Variants in SREK1 observed in about 807,000 individuals in gnomAD.
The protein encoded by SREK1 is splicing regulatory glutamic acid and lysine rich protein 1.
A neutral mutation model predicts 66.5 loss-of-function variants in SREK1; 13 were observed. That is an observed-to-expected ratio of 0.20 (90% CI 0.13 to 0.31). The LOEUF (loss-of-function observed/expected upper bound fraction) is 0.31, where lower values mean the gene tolerates loss of function less well. Ranked by LOEUF, SREK1 falls within the 10% of genes least tolerant of loss-of-function variation. SREK1 has a pLI of 1.00. For missense variants in SREK1, 607 were observed against 769.6 expected (o/e 0.79, Z 2.50); for synonymous variants, 265 against 263.5 (o/e 1.01, Z -0.05).
At chr5:66,171,014 G>T in intron 9 of SREK1, 67 bp downstream of exon 9, 1 of 1,530,320 alleles carries the variant, frequency 6.5e-7, no homozygotes, top group Non-Finnish European at 8.7e-7. Context: ...AATTTTTTAC[G>T]GAGGGAGAAA....
intron 7 of SREK1, chr5:66,165,231 G>A: frequency 5.7e-6 from 1 of 176,118 alleles, no homozygotes; most frequent in Non-Finnish European, 1.2e-5. Context: ...TGAGAAAAGG[G>A]AACATCCTTA....
In SREK1 at chr5:66,146,033, A is replaced by G. The variant is rs538099648; in HGVS notation, c.161+1496A>G. 2.0e-5 allele frequency among the ~76,000 whole-genome samples: 3 copies of G among 152,100 alleles called. No individual in the cohort carries two copies. In the South Asian group the frequency reaches 6.2e-4, roughly 32 times the overall value. ...TTATATTCGTGACGAGATTCAGGTA[A>G]TACATTTTTGACGAGAATACTGCAT... On this transcript the variant is annotated intron_variant, in intron 1 of 11. Coordinates refer to ENST00000334121, the MANE Select transcript of SREK1 (RefSeq NM_001077199.3).
In SREK1 at chr5:66,163,834, G is replaced by A; in HGVS notation, c.798G>A (p.Met266Ile). 6.2e-7 allele frequency: 1 copy of A among 1,613,734 alleles called. No individual in the cohort carries two copies. The highest frequency in any genetic ancestry group is 8.5e-7 in the Non-Finnish European group (1 of 1,179,724). Residue 266 changes from methionine (M) to isoleucine (I), a missense_variant, in exon 6 of 12, where the codon ATG (methionine) becomes ATA (isoleucine). Transcript: ENST00000334121. ...ATGCAATAGTAAAACCCCCTGAGAT[G>A]ACACCTCAGGCTGCAGCTAAGGAGT... ...SNNAIVKPPE[M>I]TPQAAAKELE...
At chr5:66,144,643 G>A (rs1742991316) in intron 1 of SREK1, 106 bp downstream of exon 1, 2 of 1,433,918 alleles carry the variant, frequency 1.4e-6, no homozygotes. Flanking sequence ...CATGTCACGT[G>A]ATCGCGCCGG....
At chr5:66,164,248 T>C (rs1256427710) in intron 6 of SREK1, 5 of 288,464 alleles carry the variant, frequency 1.7e-5, no homozygotes, top group Non-Finnish European at 2.0e-5. Context: ...ACGTTACGAC[T>C]CAGCAGGTTT....
chr5:66,174,994 A>G lies in SREK1; in HGVS notation c.1533A>G (p.Thr511=). Residue 511 remains threonine, a synonymous_variant, in exon 10 of 12, where the codon ACA becomes ACG. Transcript: ENST00000334121. ...GGAGTTCTTCCAGATCGCCAAGAACATCAAAAACCATAAAAAGGAAATCTT... is the reference window on the plus strand; with the variant it reads ...GGAGTTCTTCCAGATCGCCAAGAACGTCAAAAACCATAAAAAGGAAATCTT... ...RSRSSSRSPR[T]SKTIKRKSSR... 1 of 1,613,032 alleles carries G rather than the reference A, an allele frequency of 6.2e-7. No homozygotes were observed. The highest frequency in any genetic ancestry group is 8.5e-7 in the Non-Finnish European group (1 of 1,179,390).
intron 1 of SREK1, among the ~76,000 whole-genome samples, chr5:66,147,064 AT>A (rs1007053519): frequency 6.6e-6 from 1 of 152,148 alleles, no homozygotes; most frequent in Non-Finnish European, 1.5e-5. Flanking sequence ...TTAAAAAAAA[AT>A]GACTTAAATG....
chr5:66,160,448 GT>G (rs1441225794), intron 3 of SREK1, among the ~76,000 whole-genome samples: 1 of 152,138 alleles, frequency 6.6e-6, no homozygotes, highest in East Asian at 1.9e-4. Flanking sequence ...GGGGGGAAAT[GT>G]TTTTTAATTG....
Position 66,144,552 on chromosome 5 carries a change from T to A in SREK1, c.161+15T>A. 2.6e-6 allele frequency: 4 copies of A among 1,545,076 alleles called. No individual in the cohort carries two copies. Among genetic ancestry groups the A allele is most frequent in the South Asian group, 2.4e-5 (2 of 83,732 alleles). Reference sequence around the variant, plus strand: ...TACCCCCCGGAGTAAGTGCTGGAGCTCGGCTGGGGGAGGGGCGCGGGCGCC... The same window carrying A: ...TACCCCCCGGAGTAAGTGCTGGAGCACGGCTGGGGGAGGGGCGCGGGCGCC... On this transcript the variant is annotated intron_variant, in intron 1 of 11. Coordinates refer to ENST00000334121, the MANE Select transcript of SREK1 (RefSeq NM_001077199.3).
chr5:66,160,189 A>G (rs898161239), intron 3 of SREK1, among the ~76,000 whole-genome samples: 1 of 152,110 alleles, frequency 6.6e-6, no homozygotes, highest in South Asian at 2.1e-4. Flanking sequence ...AACTCTGGCC[A>G]TATTTATTTT....
At chr5:66,153,366 G>A (rs1376222422) in intron 1 of SREK1, 97 bp from the exon 2 acceptor site, 28 of 1,465,466 alleles carry the variant, frequency 1.9e-5, no homozygotes, top group Middle Eastern at 1.8e-4. Context: ...TCTTAATTTC[G>A]TAAGATTATG....
At chr5:66,162,923 A>C (rs1321006418) in intron 5 of SREK1, 1 of 170,796 alleles carries the variant, frequency 5.9e-6, no homozygotes, top group Non-Finnish European at 1.2e-5. Context: ...TAATTGAGCA[A>C]CTTAACAGGT....
At position 66,182,157 on chromosome 5, in the gene SREK1, A is replaced by T. The variant is rs1180804131; in HGVS notation, c.*3289A>T. 1.3e-5 allele frequency: 2 copies of T among 151,150 alleles called. No homozygotes were observed. Among genetic ancestry groups the T allele is most frequent in the East Asian group, 4.0e-4 (2 of 4,988 alleles). The allele number at this position is 151,150 out of a possible 1,614,324, so 9.4% of individuals were successfully genotyped here. ...TAACAATTAAAATGAATCCCTTTGGAGGGATGGCATTGAATAACTTATAAT... is the reference window on the plus strand; with the variant it reads ...TAACAATTAAAATGAATCCCTTTGGTGGGATGGCATTGAATAACTTATAAT... On this transcript the variant is annotated 3_prime_UTR_variant, in exon 12 of 12. Coordinates refer to ENST00000334121, the MANE Select transcript of SREK1 (RefSeq NM_001077199.3).
At chr5:66,175,176 A>G (rs1360024495) in intron 10 of SREK1, 135 bp downstream of exon 10, 2 of 722,620 alleles carry the variant, frequency 2.8e-6, no homozygotes, top group Non-Finnish European at 2.1e-6. Context: ...GAAATTAAAG[A>G]TAAAAGTTAT....
intron 1 of SREK1, among the ~76,000 whole-genome samples, chr5:66,151,195 T>A (rs1051226394): frequency 2.6e-5 from 4 of 152,122 alleles, no homozygotes; most frequent in African/African-American, 9.7e-5. Context: ...CTCATTGTGG[T>A]TATTCACTCT....
intron 7 of SREK1, chr5:66,169,317 G>A (rs1241659191): frequency 1.3e-5 from 2 of 152,108 alleles, no homozygotes; most frequent in Non-Finnish European, 2.9e-5. Flanking sequence ...AATTCAAAAG[G>A]CTTCAAAACT....
chr5:66,174,367 C>G (rs1196754225), intron 9 of SREK1, among the ~76,000 whole-genome samples: 1 of 150,890 alleles, frequency 6.6e-6, no homozygotes, highest in Admixed American at 6.6e-5. Flanking sequence ...ATTAATAGAA[C>G]AACAGTAATG....
intron 1 of SREK1, among the ~76,000 whole-genome samples, chr5:66,146,545 C>T (rs1743212026): frequency 6.6e-6 from 1 of 151,906 alleles, no homozygotes; most frequent in Admixed American, 6.6e-5. Context: ...TTGTTGCATA[C>T]GTGTAATATA....
chr5:66,179,872 T>C lies in SREK1; in HGVS notation c.*1004T>C, dbSNP rs963678778. 6.6e-6 allele frequency: 1 copy of C among 152,534 alleles called. No individual in the cohort carries two copies. Among genetic ancestry groups the C allele is most frequent in the South Asian group, 2.1e-4 (1 of 4,826 alleles). 9.4% of individuals were successfully genotyped at this position (152,534 alleles called of 1,614,324 possible). A position where few individuals can be genotyped will look rare whatever the true frequency, so the allele number is the denominator to read the frequency against. On this transcript the variant is annotated 3_prime_UTR_variant, in exon 12 of 12. Coordinates refer to ENST00000334121, the MANE Select transcript of SREK1 (RefSeq NM_001077199.3). ...GCATACCCATAGAGAAGTGTGTAAG[T>C]GATATGTCAGAAGAGCTTCTTACTG...
Sources: allele counts gnomAD v4.1 joint callset (sites outside exome capture counted in the v4.1 genomes callset), GRCh38; gene constraint gnomAD v4.1.1; transcripts MANE v1.5; gene names NCBI Gene and HGNC (gene_info 2026-07-23, HGNC 2026-07-21).